The following TFDP2 variants were observed in gnomAD, a reference collection of about 807,000 sequenced individuals.
The protein encoded by TFDP2 is transcription factor Dp-2 (E2F dimerization partner 2).
TFDP2 carries 17 observed loss-of-function variants against 59.3 expected under a neutral mutation model. The observed-to-expected ratio is 0.29, with a 90% CI of 0.20 to 0.43. TFDP2 has a LOEUF of 0.43. TFDP2 is among the 20% of genes least tolerant of loss of function. The pLI is 1.00. For missense variants in TFDP2, 391 were observed against 528.8 expected, an observed-to-expected ratio of 0.74 and a Z score of 2.56; for synonymous variants, 180 against 194.7, an observed-to-expected ratio of 0.92 and a Z score of 0.63.
rs372451498 is a variant in TFDP2 at position 142,063,428 on chromosome 3, TATAC to T, written c.82+29629_82+29632del. On this transcript the variant is annotated intron_variant, in intron 3 of 12. Coordinates refer to ENST00000489671, the MANE Select transcript of TFDP2 (RefSeq NM_001178139.2). ...TTAATGGCTACAAAATTAGCTATCA[TATAC>T]ATACATACACAGTTTATTTAGTAAT... is the stretch of plus-strand genomic sequence containing the variant. Among the ~76,000 whole-genome samples, 656 of 152,336 alleles carry T rather than the reference TATAC, an allele frequency of 4.3e-3. 4 individuals are homozygous for T. Among genetic ancestry groups the T allele is most frequent in the African/African-American group, 0.015 (617 of 41,584 alleles).
chr3:141,968,165 G>A (rs988616836), intron 9 of TFDP2, among the ~76,000 whole-genome samples: 3 of 146,198 alleles, frequency 2.1e-5, no homozygotes, highest in Non-Finnish European at 3.0e-5. Flanking sequence ...ACAGGCAGGA[G>A]CATAGGAATA....
At chr3:142,147,862 T>G (rs1337738836) in intron 1 of TFDP2, among the ~76,000 whole-genome samples, 2 of 152,176 alleles carry the variant, frequency 1.3e-5, no homozygotes, top group Non-Finnish European at 2.9e-5. Context: ...GAATGGACAC[T>G]GCCATTAAAG....
intron 3 of TFDP2, among the ~76,000 whole-genome samples, chr3:142,074,272 G>A (rs2060362963): frequency 6.6e-6 from 1 of 152,086 alleles, no homozygotes; most frequent in Admixed American, 6.5e-5. Flanking sequence ...AGCCAGGCAT[G>A]GTGGCACACA....
intron 3 of TFDP2, among the ~76,000 whole-genome samples, chr3:142,019,503 T>C (rs935538305): frequency 2.6e-5 from 4 of 152,222 alleles, no homozygotes; most frequent in Non-Finnish European, 5.9e-5. Context: ...AAATTTACCT[T>C]TGCTCCCTGG....
chr3:142,144,333 C>A (rs1444768855), intron 1 of TFDP2, among the ~76,000 whole-genome samples: 1 of 151,402 alleles, frequency 6.6e-6, no homozygotes, highest in Admixed American at 6.6e-5. Flanking sequence ...GAGATTGCAC[C>A]ACTGCCAGCC....
chr3:142,041,749 C>T (rs1366423648), intron 3 of TFDP2, among the ~76,000 whole-genome samples: 1 of 152,152 alleles, frequency 6.6e-6, no homozygotes, highest in Non-Finnish European at 1.5e-5. Context: ...CATTGCCAAA[C>T]CCAAGGTTAC....
intron 1 of TFDP2, among the ~76,000 whole-genome samples, chr3:142,143,553 G>GA (rs1307027483): frequency 6.6e-5 from 10 of 151,944 alleles, no homozygotes; most frequent in South Asian, 4.2e-4. Flanking sequence ...GCAACTCTAG[G>GA]AAAAAAATCA....
intron 3 of TFDP2, chr3:142,043,880 A>T: frequency 5.3e-6 from 6 of 1,127,748 alleles, no homozygotes; most frequent in Non-Finnish European, 8.1e-6. Context: ...ATCTTCTTAG[A>T]TTCACAGTAT....
intron 9 of TFDP2, among the ~76,000 whole-genome samples, chr3:141,965,975 G>C (rs1042241634): frequency 6.6e-6 from 1 of 151,110 alleles, no homozygotes; most frequent in Non-Finnish European, 1.5e-5. Context: ...CATCTCAAGA[G>C]CTGTTCCTAC....
chr3:142,098,232 C>G lies in TFDP2; in HGVS notation c.15+3503G>C, dbSNP rs569067689. 5.6e-4 allele frequency among the ~76,000 whole-genome samples: 84 copies of G among 148,748 alleles called. 3 individuals are homozygous for G. The South Asian group carries it at 0.017, about 31-fold the overall frequency. On this transcript the variant is annotated intron_variant, in intron 2 of 12. Transcript: ENST00000489671. Reference sequence around the variant, plus strand: ...TCTAATTTTTCCATAATGAGTATTACAGCCTACATGTTTTTCTTAAAGATT... The same window carrying G: ...TCTAATTTTTCCATAATGAGTATTAGAGCCTACATGTTTTTCTTAAAGATT...
chr3:142,013,139 AAAAT>A (rs979504535), intron 3 of TFDP2, among the ~76,000 whole-genome samples: 3 of 152,158 alleles, frequency 2.0e-5, no homozygotes, highest in Non-Finnish European at 4.4e-5. Context: ...CTCCATCTTA[AAAAT>A]AAATAAATAA....
At chr3:142,107,092 C>A (rs910272397) in intron 1 of TFDP2, among the ~76,000 whole-genome samples, 1 of 152,088 alleles carries the variant, frequency 6.6e-6, no homozygotes, top group African/African-American at 2.4e-5. Flanking sequence ...AAACAAAAAG[C>A]AAGAAACAAA....
chr3:141,949,061 GCGA>G lies in TFDP2; in HGVS notation c.*3449_*3451del, dbSNP rs1195300957. Reference sequence around the variant, plus strand: ...ACTGCACTCCAGCCTGGGCAACAGAGCGAGACTCAGTCTCAAAAAAAAAAAAAA... The same window carrying G: ...ACTGCACTCCAGCCTGGGCAACAGAGGACTCAGTCTCAAAAAAAAAAAAAA... On this transcript the variant is annotated 3_prime_UTR_variant, in exon 13 of 13. Coordinates refer to ENST00000489671, the MANE Select transcript of TFDP2 (RefSeq NM_001178139.2). 8.4e-6 allele frequency: 1 copy of G among 118,574 alleles called. No homozygotes were observed. The highest frequency in any genetic ancestry group is 1.6e-5 in the Non-Finnish European group (1 of 62,160). 7.3% of individuals were successfully genotyped at this position (118,574 alleles called of 1,614,324 possible).
At chr3:141,993,813 G>A (rs1483370624) in intron 5 of TFDP2, among the ~76,000 whole-genome samples, 7 of 152,138 alleles carry the variant, frequency 4.6e-5, no homozygotes, top group Non-Finnish European at 1.0e-4. Flanking sequence ...TAGCTAGAGA[G>A]GAAAACACTG....
In TFDP2 at chr3:142,108,540, A is replaced by C. The variant is rs546348019; in HGVS notation, c.-92-6699T>G. 5.3e-5 allele frequency among the ~76,000 whole-genome samples: 8 copies of C among 152,216 alleles called. No homozygotes were observed. The East Asian group carries it at 1.5e-3, about 29-fold the overall frequency. ...TTTTCTTCTCAAATAAAATATTTTA[A>C]TCTCAGAGATTTGTCTCTATATTTC... On this transcript the variant is annotated intron_variant, in intron 1 of 12. Transcript: ENST00000489671.
intron 3 of TFDP2, among the ~76,000 whole-genome samples, chr3:142,018,170 C>T (rs1175403659): frequency 1.3e-5 from 2 of 151,682 alleles, no homozygotes; most frequent in Admixed American, 1.3e-4. Context: ...TCTCAAACTC[C>T]TGACCTCAGG....
chr3:142,138,409 CTAGCTTTTGAATGTGT>C (rs1400698621), intron 1 of TFDP2, among the ~76,000 whole-genome samples: 8 of 152,192 alleles, frequency 5.3e-5, no homozygotes, highest in Non-Finnish European at 1.0e-4. Flanking sequence ...TTGCCTTCCG[CTAGCTTTTGAATGTGT>C]TTGCTCTTGC....
At chr3:141,988,669 C>CTT (rs540352017) in intron 6 of TFDP2, among the ~76,000 whole-genome samples, 2,225 of 125,630 alleles carry the variant, frequency 0.018, 62 homozygotes, top group Admixed American at 0.023. Flanking sequence ...CTTTTCTTTT[C>CTT]TTTTTTTTTT....
chr3:142,070,108 T>C (rs1237266706), intron 3 of TFDP2, among the ~76,000 whole-genome samples: 2 of 152,024 alleles, frequency 1.3e-5, no homozygotes, highest in Non-Finnish European at 2.9e-5. Flanking sequence ...GGTTTCGCCA[T>C]GTTGGCCAGG....
Sources: gnomAD v4.1 joint callset for allele counts (sites outside exome capture counted in the v4.1 genomes callset) on GRCh38, gnomAD v4.1.1 for gene constraint, MANE v1.5 for transcripts, NCBI Gene and HGNC (gene_info 2026-07-23, HGNC 2026-07-21) for gene names.